Variants in CDH13 observed in about 807,000 individuals in gnomAD.
CDH13 encodes cadherin 13.
In CDH13, 24 loss-of-function variants were observed where a neutral mutation model predicts 63.8. The observed-to-expected ratio is 0.38, with a 90% confidence interval of 0.27 to 0.53. The LOEUF (loss-of-function observed/expected upper bound fraction) is 0.53, where lower values mean the gene tolerates loss of function less well. Among genes scored for constraint, CDH13 ranks in the 20% least tolerant of loss-of-function variants. CDH13 has a pLI of 0.85. For synonymous variants in CDH13, 503 were observed against 355.3 expected, an observed-to-expected ratio of 1.42 and a Z score of -4.67; for missense variants, 1,049 against 903.1, an observed-to-expected ratio of 1.16 and a Z score of -2.07.
intron 5 of CDH13, among the ~76,000 whole-genome samples, chr16:83,332,805 A>G (rs1597771663): frequency 6.6e-6 from 1 of 152,212 alleles, no homozygotes; most frequent in African/African-American, 2.4e-5. Flanking sequence ...TTTCTTCCAC[A>G]TAATTAAAGT....
chr16:82,862,949 A>G (rs562288802), intron 2 of CDH13, among the ~76,000 whole-genome samples: 10 of 152,288 alleles, frequency 6.6e-5, no homozygotes, highest in Admixed American at 2.0e-4. Flanking sequence ...AATAAGAAAG[A>G]CTATGAGGAG....
At chr16:83,405,012 A>AT (rs5818445) in intron 6 of CDH13, among the ~76,000 whole-genome samples, 11,019 of 152,160 alleles carry the variant, frequency 0.072, 408 homozygotes, top group Middle Eastern at 0.092. Context: ...CCAAGTTAAC[A>AT]TTTTTTTAGC....
chr16:83,065,020 C>G (rs1257336920), intron 3 of CDH13, among the ~76,000 whole-genome samples: 1 of 152,108 alleles, frequency 6.6e-6, no homozygotes, highest in Non-Finnish European at 1.5e-5. Flanking sequence ...TCCCCTGCAC[C>G]CCCAGCCCCA....
intron 7 of CDH13, among the ~76,000 whole-genome samples, chr16:83,520,835 A>G (rs771580200): frequency 6.6e-6 from 1 of 152,152 alleles, no homozygotes; most frequent in African/African-American, 2.4e-5. Context: ...AGGATCCACC[A>G]CATGGCTCTG....
Position 82,812,114 on chromosome 16 carries a change from CT to C in CDH13, c.46-46247del, listed in dbSNP as rs2037474897. ...TCTCTATGTATTCACACTGCTTCCC[CT>C]AGCACCTCTTCTTTATCTCCTAACA... On this transcript the variant is annotated intron_variant, in intron 1 of 13. Transcript: ENST00000567109. Among the ~76,000 whole-genome samples the C allele has an allele frequency of 2.0e-5, 3 of 152,242 alleles. No homozygotes were observed. The South Asian group carries it at 6.2e-4, about 32-fold the overall frequency.
At chr16:82,778,746 A>C (rs1406322162) in intron 1 of CDH13, among the ~76,000 whole-genome samples, 1 of 152,160 alleles carries the variant, frequency 6.6e-6, no homozygotes, top group Non-Finnish European at 1.5e-5. Context: ...TATGAACAAC[A>C]GCTTTAAAGC....
chr16:83,565,887 G>A (rs955277691), intron 7 of CDH13, among the ~76,000 whole-genome samples: 5 of 152,074 alleles, frequency 3.3e-5, no homozygotes, highest in African/African-American at 9.7e-5. Flanking sequence ...TCTGGCTTAT[G>A]ACTTTTCTTT....
At chr16:83,268,360 G>C (rs988439614) in intron 5 of CDH13, among the ~76,000 whole-genome samples, 1 of 152,192 alleles carries the variant, frequency 6.6e-6, no homozygotes, top group African/African-American at 2.4e-5. Context: ...CACATCCTTA[G>C]TTCTTTTCGC....
At chr16:83,494,534 T>G (rs2074092148) in intron 7 of CDH13, among the ~76,000 whole-genome samples, 1 of 152,224 alleles carries the variant, frequency 6.6e-6, no homozygotes, top group Non-Finnish European at 1.5e-5. Flanking sequence ...TCCTGCCATA[T>G]GGAGAATGAC....
intron 6 of CDH13, among the ~76,000 whole-genome samples, chr16:83,417,286 A>G (rs1337158056): frequency 2.6e-5 from 4 of 152,194 alleles, no homozygotes; most frequent in African/African-American, 9.7e-5. Context: ...TCTCCCCAGA[A>G]CAGCCTCCCT....
intron 2 of CDH13, among the ~76,000 whole-genome samples, chr16:82,862,669 A>G (rs991001632): frequency 1.3e-5 from 2 of 152,256 alleles, no homozygotes; most frequent in Admixed American, 6.5e-5. Context: ...GAATTTACCT[A>G]CAATACAACT....
At chr16:83,484,075 A>C (rs2073833277) in intron 6 of CDH13, among the ~76,000 whole-genome samples, 1 of 152,194 alleles carries the variant, frequency 6.6e-6, no homozygotes, top group Non-Finnish European at 1.5e-5. Context: ...CCATTGGTGA[A>C]AATAGCTGAG....
At chr16:82,669,279 C>G (rs913081551) in intron 1 of CDH13, among the ~76,000 whole-genome samples, 2 of 152,164 alleles carry the variant, frequency 1.3e-5, no homozygotes, top group African/African-American at 4.8e-5. Context: ...AAGGACAAGC[C>G]CTTTAGATGC....
rs375664631 is a variant in CDH13, at chr16:83,344,978, C to T, written c.753C>T (p.Ile251=). Residue 251 remains isoleucine (I), a synonymous_variant, in exon 6 of 14, where the codon ATC becomes ATT. Coordinates refer to ENST00000567109, the MANE Select transcript of CDH13 (RefSeq NM_001257.5). Reference sequence around the variant, plus strand: ...CGATCTTTCGGGAAGGCCCCTACATCGGCCACGTCATGGAAGGGTCACCCA... The same window carrying T: ...CGATCTTTCGGGAAGGCCCCTACATTGGCCACGTCATGGAAGGGTCACCCA... ...NRPIFREGPY[I]GHVMEGSPTG... The T allele has an allele frequency of 3.3e-5, 53 of 1,613,962 alleles. No homozygotes were observed. The African/African-American group carries it at 5.9e-4, about 18-fold the overall frequency.
chr16:82,890,667 T>C (rs903269903), intron 2 of CDH13, among the ~76,000 whole-genome samples: 3 of 151,436 alleles, frequency 2.0e-5, no homozygotes, highest in South Asian at 2.1e-4. Context: ...TTTTTTTTTT[T>C]CCAAGACTAA....
chr16:83,487,477 C>T (rs1396537589), intron 7 of CDH13, among the ~76,000 whole-genome samples: 3 of 152,148 alleles, frequency 2.0e-5, no homozygotes, highest in African/African-American at 4.8e-5. Context: ...ACCTCGATTA[C>T]GTTTCCACGT....
chr16:83,179,774 C>T (rs1019536143), intron 4 of CDH13, among the ~76,000 whole-genome samples: 3 of 152,164 alleles, frequency 2.0e-5, no homozygotes. Flanking sequence ...TCCAGTGCTA[C>T]ATTGCCCCTA....
At chr16:83,329,151 T>G (rs1399675921) in intron 5 of CDH13, among the ~76,000 whole-genome samples, 1 of 152,224 alleles carries the variant, frequency 6.6e-6, no homozygotes, top group East Asian at 1.9e-4. Context: ...TACTAAATGC[T>G]TGTGGTTGAA....
chr16:83,405,876 G>C (rs985823055), intron 6 of CDH13, among the ~76,000 whole-genome samples: 1 of 151,804 alleles, frequency 6.6e-6, no homozygotes, highest in Non-Finnish European at 1.5e-5. Context: ...AAATATAGCT[G>C]CTTAGTTAAA....
Sources: gnomAD v4.1 joint callset for allele counts (sites outside exome capture counted in the v4.1 genomes callset) on GRCh38, gnomAD v4.1.1 for gene constraint, MANE v1.5 for transcripts, NCBI Gene and HGNC (gene_info 2026-07-23, HGNC 2026-07-21) for gene names.